The following CNTLN variants were observed in gnomAD, a reference collection of about 807,000 sequenced individuals.
CNTLN encodes centlein.
Under a neutral mutation model 180.0 loss-of-function variants are expected in CNTLN, and 212 were observed. That is an observed-to-expected ratio of 1.18 (90% confidence interval 1.05 to 1.32). The LOEUF is 1.32. Among genes scored for constraint, CNTLN ranks in the 40% most tolerant of loss-of-function variants. The pLI is 0.00. For synonymous variants in CNTLN, 722 were observed against 563.1 expected (o/e 1.28, Z -3.99); for missense variants, 2,095 against 1,610.9 (o/e 1.30, Z -5.14).
intron 7 of CNTLN, among the ~76,000 whole-genome samples, chr9:17,308,820 A>G (rs1008852514): frequency 7.3e-5 from 11 of 151,476 alleles, no homozygotes; most frequent in Non-Finnish European, 1.6e-4. Context: ...TTTTTAACAT[A>G]TTTTCTAGTT....
rs1822182680 is a variant in CNTLN, at chr9:17,349,451, A to G, written c.1886+7007A>G. ...TACTATTAATACTACCTTTCAACTGAATTTAAATAGTACTTCCAAATCGAA... is the reference window on the plus strand; with the variant it reads ...TACTATTAATACTACCTTTCAACTGGATTTAAATAGTACTTCCAAATCGAA... On this transcript the variant is annotated intron_variant, in intron 12 of 25. Coordinates refer to ENST00000380647, the MANE Select transcript of CNTLN (RefSeq NM_017738.4). Among the ~76,000 whole-genome samples the G allele has an allele frequency of 3.9e-5, 6 of 152,172 alleles. 1 individual carries two copies. The South Asian group carries it at 1.2e-3, about 32-fold the overall frequency.
Position 17,484,482 on chromosome 9 carries a change from T to A in CNTLN, c.4041+2T>A. On this transcript the variant is annotated splice_donor_variant, in intron 24 of 25. Coordinates refer to ENST00000380647, the MANE Select transcript of CNTLN (RefSeq NM_017738.4). LOFTEE classifies it high-confidence loss of function. ...ATATTAGACACAGAAGATCAAGTGG[T>A]AAGATCATTTAAATATTTATTATTA... 1.3e-6 allele frequency: 2 copies of A among 1,579,024 alleles called. No homozygotes were observed. Among genetic ancestry groups the A allele is most frequent in the Non-Finnish European group, 1.7e-6 (2 of 1,168,402 alleles).
In CNTLN at chr9:17,352,032, G is replaced by C. The variant is rs1055116818; in HGVS notation, c.1886+9588G>C. ...GGCAAGTTTGTCAATGAAGGCAGTT[G>C]AGCTGGAGTCAGTAGTAAAGGGGTT... On this transcript the variant is annotated intron_variant, in intron 12 of 25. Coordinates refer to ENST00000380647, the MANE Select transcript of CNTLN (RefSeq NM_017738.4). Among the ~76,000 whole-genome samples, 3 of 152,110 alleles carry C rather than the reference G, an allele frequency of 2.0e-5. No individual in the cohort carries two copies. The East Asian group carries it at 5.8e-4, about 29-fold the overall frequency.
At chr9:17,232,593 C>G (rs758727801) in intron 3 of CNTLN, among the ~76,000 whole-genome samples, 1 of 151,878 alleles carries the variant, frequency 6.6e-6, no homozygotes, top group Non-Finnish European at 1.5e-5. Flanking sequence ...TGTCATTTCT[C>G]CTTCAAAGGA....
At chr9:17,470,143 C>T (rs552581572) in intron 23 of CNTLN, among the ~76,000 whole-genome samples, 2 of 151,956 alleles carry the variant, frequency 1.3e-5, no homozygotes, top group Admixed American at 6.6e-5. Flanking sequence ...AGGAAAGGAA[C>T]GTTGTCATTT....
intron 2 of CNTLN, among the ~76,000 whole-genome samples, chr9:17,208,321 C>T (rs1736840185): frequency 6.6e-6 from 1 of 152,070 alleles, no homozygotes; most frequent in Non-Finnish European, 1.5e-5. Flanking sequence ...GGATAAATCC[C>T]ACTGTGTCAT....
At chr9:17,415,114 A>C (rs1243020394) in intron 16 of CNTLN, among the ~76,000 whole-genome samples, 1 of 152,036 alleles carries the variant, frequency 6.6e-6, no homozygotes, top group African/African-American at 2.4e-5. Flanking sequence ...TCTTAAGACC[A>C]CATGTTTTAC....
At position 17,272,678 on chromosome 9, in the gene CNTLN, C is replaced by G. The variant is rs548217135; in HGVS notation, c.850-1055C>G. On this transcript the variant is annotated intron_variant, in intron 5 of 25. Coordinates refer to ENST00000380647, the MANE Select transcript of CNTLN (RefSeq NM_017738.4). ...GTGTTAAAAAATTTCTTCTGTGTCTCCAGACCATAGTCATAATCTGTTTTT... is the reference window on the plus strand; with the variant it reads ...GTGTTAAAAAATTTCTTCTGTGTCTGCAGACCATAGTCATAATCTGTTTTT... Among the ~76,000 whole-genome samples, 28 of 152,226 alleles carry G rather than the reference C, an allele frequency of 1.8e-4. 1 individual carries two copies. The highest frequency in any genetic ancestry group is 6.7e-4 in the African/African-American group (28 of 41,558).
At chr9:17,312,016 GA>G (rs1819169882) in intron 8 of CNTLN, among the ~76,000 whole-genome samples, 1 of 51,086 alleles carries the variant, frequency 2.0e-5, no homozygotes, top group African/African-American at 4.5e-5. Context: ...ACAAAGTCCA[GA>G]TTATATGCCT....
At chr9:17,482,425 A>G (rs1832698175) in intron 23 of CNTLN, among the ~76,000 whole-genome samples, 1 of 152,174 alleles carries the variant, frequency 6.6e-6, no homozygotes, top group African/African-American at 2.4e-5. Flanking sequence ...AAACTTTAAA[A>G]CAATCCTTTG....
At chr9:17,367,013 AC>A (rs1293561886) in intron 13 of CNTLN, among the ~76,000 whole-genome samples, 2 of 152,204 alleles carry the variant, frequency 1.3e-5, no homozygotes, top group African/African-American at 4.8e-5. Flanking sequence ...CACAAAAAAA[AC>A]ACCTACATAA....
intron 18 of CNTLN, among the ~76,000 whole-genome samples, chr9:17,456,041 T>G (rs1831095332): frequency 6.6e-6 from 1 of 152,014 alleles, no homozygotes; most frequent in Admixed American, 6.6e-5. Flanking sequence ...GAGAGAGGGT[T>G]GTTGTAATAA....
At chr9:17,247,808 A>T (rs984382658) in intron 5 of CNTLN, among the ~76,000 whole-genome samples, 13 of 145,772 alleles carry the variant, frequency 8.9e-5, no homozygotes, top group African/African-American at 3.1e-4. Context: ...ATCTATTGAA[A>T]TGATCATGTG....
At chr9:17,365,807 A>C (rs1446004953) in intron 12 of CNTLN, among the ~76,000 whole-genome samples, 2 of 152,042 alleles carry the variant, frequency 1.3e-5, no homozygotes, top group East Asian at 3.9e-4. Flanking sequence ...TTAGCTGGGC[A>C]TGGTGGCACA....
chr9:17,360,621 G>GA (rs1436032173), intron 12 of CNTLN, among the ~76,000 whole-genome samples: 2 of 152,198 alleles, frequency 1.3e-5, no homozygotes, highest in African/African-American at 4.8e-5. Context: ...GAAGTGCACA[G>GA]ATGGGCTTAG....
At chr9:17,386,204 A>G (rs1341521736) in intron 13 of CNTLN, among the ~76,000 whole-genome samples, 1 of 152,050 alleles carries the variant, frequency 6.6e-6, no homozygotes, top group Non-Finnish European at 1.5e-5. Flanking sequence ...AAAGTAAAAG[A>G]TTGCAGAAAA....
chr9:17,471,209 A>G (rs1832028535), intron 23 of CNTLN, among the ~76,000 whole-genome samples: 1 of 152,018 alleles, frequency 6.6e-6, no homozygotes, highest in Non-Finnish European at 1.5e-5. Flanking sequence ...GTGACTCCAG[A>G]GTCTTTCAGC....
intron 2 of CNTLN, among the ~76,000 whole-genome samples, chr9:17,157,648 C>G (rs1461297463): frequency 6.6e-6 from 1 of 152,074 alleles, no homozygotes; most frequent in Non-Finnish European, 1.5e-5. Context: ...TGGCCATCAT[C>G]CGGTCATTTG....
At chr9:17,521,895 G>A in the CNTLN span, among the ~76,000 whole-genome samples, 11 of 152,122 alleles carry the variant, frequency 7.2e-5, no homozygotes, top group Admixed American at 7.2e-4. Context: ...TATAGCTATA[G>A]CATTTCAAAG....
Sources: allele counts gnomAD v4.1 joint callset (sites outside exome capture counted in the v4.1 genomes callset), GRCh38; gene constraint gnomAD v4.1.1; transcripts MANE v1.5; gene names NCBI Gene and HGNC (gene_info 2026-07-23, HGNC 2026-07-21).